Variants in SLC12A1 observed in about 807,000 individuals in gnomAD.
SLC12A1 encodes the protein Na-K-2Cl cotransporter.
SLC12A1 carries 89 observed loss-of-function variants against 130.4 expected under a neutral mutation model. The ratio of observed to expected loss-of-function variants is 0.68; its 90% CI spans 0.58 to 0.81. The LOEUF (loss-of-function observed/expected upper bound fraction) is 0.81, where lower values mean the gene tolerates loss of function less well. Among genes scored for constraint, SLC12A1 ranks in the 40% least tolerant of loss-of-function variants. The pLI, the probability that SLC12A1 is intolerant of heterozygous loss-of-function variation, is 0.00. For missense variants in SLC12A1, 1,310 were observed against 1,336.4 expected (o/e 0.98, Z 0.31); for synonymous variants, 499 against 460.0 (o/e 1.08, Z -1.09).
At chr15:48,233,515 A>G (rs2041403920) in intron 8 of SLC12A1, among the ~76,000 whole-genome samples, 1 of 152,216 alleles carries the variant, frequency 6.6e-6, no homozygotes, top group African/African-American at 2.4e-5. Context: ...AAAAGACTGT[A>G]GGAGTTACTC....
intron 7 of SLC12A1, 114 bp from the exon 8 acceptor site, chr15:48,232,613 C>T: frequency 1.3e-6 from 1 of 742,154 alleles, no homozygotes; most frequent in South Asian, 1.5e-5. Context: ...GTAGCAGAGA[C>T]TTAACTGAAA....
At position 48,259,233 on chromosome 15, in the gene SLC12A1, G is replaced by A. The variant is rs1191311444; in HGVS notation, c.2076G>A (p.Met692Ile). Reference sequence around the variant, plus strand: ...GCATTGTCTTAACAGGGGGACCCATGACAAGACCTGCTCTCCTGGACATAA... The same window carrying A: ...GCATTGTCTTAACAGGGGGACCCATAACAAGACCTGCTCTCCTGGACATAA... The part of the protein sequence containing the change: ...PQCIVLTGGP[M>I]TRPALLDITH... The change falls in exon 17 of 27, where the codon ATG (methionine) becomes ATA (isoleucine). Residue 692 changes from methionine to isoleucine, a missense_variant. Met to Ile is a conservative substitution (Grantham distance 10). Coordinates refer to ENST00000380993, the MANE Select transcript of SLC12A1 (RefSeq NM_000338.3). The A allele has an allele frequency of 3.1e-6, 5 of 1,613,584 alleles. No homozygotes were observed. The highest frequency in any genetic ancestry group is 4.2e-6 in the Non-Finnish European group (5 of 1,179,714).
At chr15:48,264,975 T>C (rs1056522252) in intron 17 of SLC12A1, among the ~76,000 whole-genome samples, 8 of 152,212 alleles carry the variant, frequency 5.3e-5, no homozygotes, top group Non-Finnish European at 7.4e-5. Flanking sequence ...TTAATTTATA[T>C]ACTCATATTT....
chr15:48,219,493 T>C (rs536421783), intron 2 of SLC12A1, among the ~76,000 whole-genome samples: 1 of 151,548 alleles, frequency 6.6e-6, no homozygotes, highest in African/African-American at 2.4e-5. Context: ...GAGGTGGAGG[T>C]TGCAGTGAGC....
chr15:48,260,583 C>T (rs531253436), intron 17 of SLC12A1, among the ~76,000 whole-genome samples: 20 of 152,260 alleles, frequency 1.3e-4, no homozygotes, highest in African/African-American at 4.8e-4. Context: ...TAAATTATTG[C>T]ACTGGATCAC....
intron 10 of SLC12A1, among the ~76,000 whole-genome samples, chr15:48,242,362 G>A (rs1324064308): frequency 1.2e-4 from 19 of 152,058 alleles, no homozygotes; most frequent in Non-Finnish European, 1.5e-5. Flanking sequence ...GAAGCCAAAG[G>A]GTACATCCCA....
At chr15:48,297,071 G>A (rs544141013) in intron 24 of SLC12A1, among the ~76,000 whole-genome samples, 1 of 152,266 alleles carries the variant, frequency 6.6e-6, no homozygotes, top group African/African-American at 2.4e-5. Context: ...TTCAGGGTAA[G>A]CTTGATCTAG....
intron 10 of SLC12A1, among the ~76,000 whole-genome samples, chr15:48,244,168 C>A (rs946723271): frequency 5.3e-5 from 8 of 152,156 alleles, no homozygotes; most frequent in Non-Finnish European, 1.0e-4. Flanking sequence ...GATACCTGAT[C>A]AATATAATTT....
chr15:48,284,227 T>C (rs1227275870), intron 20 of SLC12A1, among the ~76,000 whole-genome samples: 1 of 152,226 alleles, frequency 6.6e-6, no homozygotes, highest in African/African-American at 2.4e-5. Flanking sequence ...ATTTTGCTTA[T>C]TGAAAGGAAT....
intron 26 of SLC12A1, 128 bp downstream of exon 26, chr15:48,301,510 G>GGGGGGGGGGGT: frequency 2.0e-6 from 1 of 497,246 alleles, no homozygotes; most frequent in Non-Finnish European, 3.4e-6. Flanking sequence ...TTTGGGGGGG[G>GGGGGGGGGGGT]GAACACGTGG....
intron 19 of SLC12A1, 88 bp from the exon 20 acceptor site, chr15:48,274,483 A>G (rs1193034635): frequency 1.2e-6 from 1 of 829,908 alleles, no homozygotes; most frequent in Non-Finnish European, 2.0e-6. Flanking sequence ...CATTATATCA[A>G]AATCCTAGAA....
intron 9 of SLC12A1, among the ~76,000 whole-genome samples, chr15:48,238,493 AG>A (rs1404564370): frequency 6.6e-6 from 1 of 152,192 alleles, no homozygotes; most frequent in Non-Finnish European, 1.5e-5. Flanking sequence ...GACAGAGCTA[AG>A]AAGCAGGAGA....
intron 2 of SLC12A1, among the ~76,000 whole-genome samples, chr15:48,219,281 AT>A (rs1331969817): frequency 6.6e-6 from 1 of 152,194 alleles, no homozygotes. Context: ...GTGGTGGCTC[AT>A]GCCTGTAATC....
At chr15:48,271,806 A>G (rs370174511) in intron 19 of SLC12A1, among the ~76,000 whole-genome samples, 1 of 152,186 alleles carries the variant, frequency 6.6e-6, no homozygotes, top group African/African-American at 2.4e-5. Context: ...AGCAAACAGT[A>G]TTTTGATATA....
chr15:48,286,413 T>C (rs972169425), intron 21 of SLC12A1, among the ~76,000 whole-genome samples: 2 of 152,226 alleles, frequency 1.3e-5, no homozygotes, highest in African/African-American at 4.8e-5. Flanking sequence ...AATATTTAAA[T>C]AAGACTGTTC....
chr15:48,272,543 C>T (rs961007768), intron 19 of SLC12A1, among the ~76,000 whole-genome samples: 3 of 152,130 alleles, frequency 2.0e-5, no homozygotes, highest in African/African-American at 7.2e-5. Flanking sequence ...TCTCCTGTCT[C>T]AGCCTACCAA....
At chr15:48,237,786 G>A (rs1277650372) in intron 9 of SLC12A1, among the ~76,000 whole-genome samples, 1 of 152,186 alleles carries the variant, frequency 6.6e-6, no homozygotes, top group East Asian at 1.9e-4. Context: ...ACTCTACGGA[G>A]GTTAGACAAA....
At chr15:48,206,914 A>C (rs1241730722) in intron 1 of SLC12A1, among the ~76,000 whole-genome samples, 2 of 152,158 alleles carry the variant, frequency 1.3e-5, no homozygotes, top group Admixed American at 6.6e-5. Flanking sequence ...TGAGCAAATG[A>C]AACATTTGGA....
chr15:48,218,493 T>C (rs1424780846), intron 2 of SLC12A1, among the ~76,000 whole-genome samples: 3 of 152,150 alleles, frequency 2.0e-5, no homozygotes, highest in Non-Finnish European at 4.4e-5. Context: ...GGGTAAGCTA[T>C]ACCTTAGCCC....
Sources: gnomAD v4.1 joint callset for allele counts (sites outside exome capture counted in the v4.1 genomes callset) on GRCh38, gnomAD v4.1.1 for gene constraint, MANE v1.5 for transcripts, NCBI Gene and HGNC (gene_info 2026-07-23, HGNC 2026-07-21) for gene names.